The following KCNQ3 variants were observed in gnomAD, a reference collection of about 807,000 sequenced individuals.
KCNQ3 encodes the protein potassium voltage-gated channel subfamily Q member 3, also known as potassium voltage-gated channel subfamily KQT member 3.
Under a neutral mutation model 92.5 loss-of-function variants are expected in KCNQ3, and 30 were observed. That is an observed-to-expected ratio of 0.32 (90% CI 0.24 to 0.44). The LOEUF is 0.44. Among genes scored for constraint, KCNQ3 ranks in the 20% least tolerant of loss-of-function variants. The probability of loss-of-function intolerance (pLI) is 1.00; values close to 1 mark genes in which losing one functional copy is unlikely to be tolerated. For missense variants in KCNQ3, 913 were observed against 1,140.3 expected, an observed-to-expected ratio of 0.80 and a Z score of 2.87; for synonymous variants, 450 against 468.8, an observed-to-expected ratio of 0.96 and a Z score of 0.52.
intron 12 of KCNQ3, among the ~76,000 whole-genome samples, chr8:132,136,700 A>AACAT (rs367613207): frequency 6.6e-6 from 1 of 152,214 alleles, no homozygotes; most frequent in East Asian, 1.9e-4. Flanking sequence ...ATGACATATA[A>AACAT]ACATACATAT....
intron 1 of KCNQ3, among the ~76,000 whole-genome samples, chr8:132,369,423 C>T (rs543361679): frequency 6.6e-6 from 1 of 152,196 alleles, no homozygotes; most frequent in African/African-American, 2.4e-5. Context: ...AGCAACGATG[C>T]CCCAGTAGCA....
intron 1 of KCNQ3, among the ~76,000 whole-genome samples, chr8:132,289,964 T>A (rs1420670240): frequency 2.0e-5 from 3 of 152,192 alleles, no homozygotes; most frequent in Non-Finnish European, 2.9e-5. Context: ...GCTGTCTCTT[T>A]TGTAGACTCT....
intron 1 of KCNQ3, among the ~76,000 whole-genome samples, chr8:132,334,411 C>T: frequency 6.6e-6 from 1 of 151,840 alleles, no homozygotes. Flanking sequence ...AAGACTCTGT[C>T]TCAAAAAAAC....
intron 1 of KCNQ3, among the ~76,000 whole-genome samples, chr8:132,420,621 T>G (rs1385761871): frequency 6.6e-6 from 1 of 152,198 alleles, no homozygotes; most frequent in Non-Finnish European, 1.5e-5. Flanking sequence ...CAGAACAGAC[T>G]CACGGAGGGA....
chr8:132,372,988 A>G (rs1819515612), intron 1 of KCNQ3, among the ~76,000 whole-genome samples: 2 of 152,116 alleles, frequency 1.3e-5, no homozygotes, highest in African/African-American at 2.4e-5. Context: ...GAAAGAACAG[A>G]AACACGACCA....
intron 1 of KCNQ3, among the ~76,000 whole-genome samples, chr8:132,304,223 T>C (rs1361526945): frequency 6.6e-6 from 1 of 152,198 alleles, no homozygotes; most frequent in African/African-American, 2.4e-5. Context: ...GGGTGATGGT[T>C]ACATAAAAGT....
At chr8:132,342,213 C>T (rs1387481491) in intron 1 of KCNQ3, among the ~76,000 whole-genome samples, 1 of 152,032 alleles carries the variant, frequency 6.6e-6, no homozygotes, top group Non-Finnish European at 1.5e-5. Flanking sequence ...CAAACCATGA[C>T]CCTCTCTCTT....
chr8:132,428,277 T>C (rs1433358166), intron 1 of KCNQ3, among the ~76,000 whole-genome samples: 1 of 152,210 alleles, frequency 6.6e-6, no homozygotes, highest in East Asian at 1.9e-4. Context: ...TCCTGCTGTC[T>C]AGGCATTCTT....
intron 5 of KCNQ3, 127 bp downstream of exon 5, chr8:132,175,326 G>GAA: frequency 5.8e-6 from 6 of 1,038,230 alleles, no homozygotes; most frequent in Non-Finnish European, 7.5e-6. Flanking sequence ...AGCTGAAATT[G>GAA]GTCTAGAGCT....
At position 132,321,165 on chromosome 8, in the gene KCNQ3, T is replaced by C. The variant is rs72721007; in HGVS notation, c.387-134984A>G. On this transcript the variant is annotated intron_variant, in intron 1 of 14. Coordinates refer to ENST00000388996, the MANE Select transcript of KCNQ3 (RefSeq NM_004519.4). ...ATAGAGTCATCTCATGTTGTAGAAA[T>C]TCCATTTCAGATGAATTCAGTCACA... 8.2e-3 allele frequency among the ~76,000 whole-genome samples: 1,244 copies of C among 152,312 alleles called. 10 individuals carry two copies. The highest frequency in any genetic ancestry group is 0.012 in the Non-Finnish European group (838 of 68,020).
intron 1 of KCNQ3, among the ~76,000 whole-genome samples, chr8:132,351,524 A>C (rs1368712532): frequency 6.6e-6 from 1 of 152,146 alleles, no homozygotes; most frequent in Non-Finnish European, 1.5e-5. Context: ...GCCCACTACC[A>C]GAGACCCCAG....
chr8:132,361,483 T>A (rs1819170682), intron 1 of KCNQ3, among the ~76,000 whole-genome samples: 1 of 152,238 alleles, frequency 6.6e-6, no homozygotes. Context: ...TTGCGGTTCA[T>A]TGTTGTTTTA....
chr8:132,198,413 T>C (rs1827367196), intron 1 of KCNQ3, among the ~76,000 whole-genome samples: 1 of 152,238 alleles, frequency 6.6e-6, no homozygotes, highest in Non-Finnish European at 1.5e-5. Flanking sequence ...CAGGAATAGA[T>C]AACTAATACT....
At chr8:132,368,913 G>GA (rs1462525843) in intron 1 of KCNQ3, among the ~76,000 whole-genome samples, 1 of 123,010 alleles carries the variant, frequency 8.1e-6, no homozygotes, top group Non-Finnish European at 1.6e-5. Context: ...TTCCTTTACT[G>GA]ACCCTTTTTT....
intron 1 of KCNQ3, among the ~76,000 whole-genome samples, chr8:132,429,726 G>A (rs961572774): frequency 6.6e-6 from 1 of 151,940 alleles, no homozygotes; most frequent in African/African-American, 2.4e-5. Context: ...GCCAGGCGTG[G>A]TGGCAGATGC....
Position 132,364,767 on chromosome 8 carries a change from G to A in KCNQ3, c.386+115380C>T, listed in dbSNP as rs987731084. Among the ~76,000 whole-genome samples, 7 of 152,128 alleles carry A rather than the reference G, an allele frequency of 4.6e-5. No homozygotes were observed. The South Asian group carries it at 1.0e-3, about 23-fold the overall frequency. ...GGTTGGATGGATGGATGGGTGGATGGATGGGTGAGTCAGTATGTACTTATG... is the reference window on the plus strand; with the variant it reads ...GGTTGGATGGATGGATGGGTGGATGAATGGGTGAGTCAGTATGTACTTATG... On this transcript the variant is annotated intron_variant, in intron 1 of 14. Coordinates refer to ENST00000388996, the MANE Select transcript of KCNQ3 (RefSeq NM_004519.4).
intron 1 of KCNQ3, among the ~76,000 whole-genome samples, chr8:132,343,160 T>C (rs575633360): frequency 6.6e-6 from 1 of 152,246 alleles, no homozygotes; most frequent in Non-Finnish European, 1.5e-5. Flanking sequence ...GCTACTCTCG[T>C]GGTGAATCAC....
chr8:132,418,152 T>C (rs1820870984), intron 1 of KCNQ3, among the ~76,000 whole-genome samples: 1 of 152,120 alleles, frequency 6.6e-6, no homozygotes, highest in African/African-American at 2.4e-5. Flanking sequence ...TAAGAACATA[T>C]TACCCACACT....
At chr8:132,436,979 T>C (rs1446722574) in intron 1 of KCNQ3, among the ~76,000 whole-genome samples, 1 of 152,164 alleles carries the variant, frequency 6.6e-6, no homozygotes, top group Non-Finnish European at 1.5e-5. Context: ...AGTTTGCTTC[T>C]CTTAAGAGTG....
Sources: allele counts gnomAD v4.1 joint callset (sites outside exome capture counted in the v4.1 genomes callset), GRCh38; gene constraint gnomAD v4.1.1; transcripts MANE v1.5; gene names NCBI Gene and HGNC (gene_info 2026-07-23, HGNC 2026-07-21).